Variants in CAMTA1 observed in about 807,000 individuals in gnomAD.
The protein encoded by CAMTA1 is calmodulin-binding transcription activator 1.
Under a neutral mutation model 170.9 loss-of-function variants are expected in CAMTA1, and 27 were observed. That is an observed-to-expected ratio of 0.16 (90% CI 0.12 to 0.22). The LOEUF (loss-of-function observed/expected upper bound fraction) is 0.22, where lower values mean the gene tolerates loss of function less well. CAMTA1 is among the 10% of genes least tolerant of loss of function. The pLI, the probability that CAMTA1 is intolerant of heterozygous loss-of-function variation, is 1.00. For synonymous variants in CAMTA1, 833 were observed against 891.5 expected (o/e 0.93, Z 1.17); for missense variants, 1,619 against 2,217.2 (o/e 0.73, Z 5.42).
chr1:7,075,255 T>A (rs1639141818), intron 3 of CAMTA1, among the ~76,000 whole-genome samples: 1 of 152,200 alleles, frequency 6.6e-6, no homozygotes, highest in African/African-American at 2.4e-5. Context: ...TTGCCAAAGC[T>A]ATGTCCTTAG....
chr1:7,672,548 G>A (rs2096069677), intron 10 of CAMTA1, among the ~76,000 whole-genome samples: 1 of 152,026 alleles, frequency 6.6e-6, no homozygotes, highest in African/African-American at 2.4e-5. Flanking sequence ...CAGCCTCCCT[G>A]GTACCTGGGA....
At chr1:7,296,719 A>G (rs553079258) in intron 5 of CAMTA1, among the ~76,000 whole-genome samples, 1 of 152,248 alleles carries the variant, frequency 6.6e-6, no homozygotes, top group South Asian at 2.1e-4. Flanking sequence ...TCAGATGTAG[A>G]TGTCAAGTGG....
intron 6 of CAMTA1, among the ~76,000 whole-genome samples, chr1:7,632,995 C>T (rs571298937): frequency 4.6e-5 from 7 of 152,332 alleles, no homozygotes; most frequent in South Asian, 4.1e-4. Context: ...GGGCCAGGCC[C>T]GTCCTGAGCC....
chr1:7,018,823 G>T (rs1415012156), intron 3 of CAMTA1, among the ~76,000 whole-genome samples: 1 of 152,184 alleles, frequency 6.6e-6, no homozygotes, highest in African/African-American at 2.4e-5. Flanking sequence ...AGCCATTAAA[G>T]CTTCTGGCCT....
Position 6,822,042 on chromosome 1 carries a change from C to T in CAMTA1, c.115+1792C>T, listed in dbSNP as rs994200627. Among the ~76,000 whole-genome samples, 23 of 152,062 alleles carry T rather than the reference C, an allele frequency of 1.5e-4. 1 individual carries two copies. The highest frequency in any genetic ancestry group is 2.9e-4 in the Non-Finnish European group (20 of 67,972). On this transcript the variant is annotated intron_variant, in intron 2 of 22. Coordinates refer to ENST00000303635, the MANE Select transcript of CAMTA1 (RefSeq NM_015215.4). ...GAAAATTATTTTGTAAAGTCTAATA[C>T]CATACACATATATTTTGTTAGATAA...
chr1:7,626,700 A>G (rs1355385564), intron 6 of CAMTA1, among the ~76,000 whole-genome samples: 1 of 150,844 alleles, frequency 6.6e-6, no homozygotes, highest in Non-Finnish European at 1.5e-5. Flanking sequence ...CCCTGTCCTC[A>G]CTCTCTACCT....
intron 3 of CAMTA1, chr1:7,008,725 A>T (rs562925281): frequency 1.3e-5 from 2 of 152,354 alleles, no homozygotes; most frequent in South Asian, 4.1e-4. Flanking sequence ...TAATAAATGC[A>T]AACTGTAAAA....
At chr1:7,357,522 C>T (rs1239591185) in intron 5 of CAMTA1, among the ~76,000 whole-genome samples, 3 of 152,172 alleles carry the variant, frequency 2.0e-5, no homozygotes, top group Non-Finnish European at 2.9e-5. Context: ...CGATTTCCAT[C>T]TCACAGGAAT....
intron 5 of CAMTA1, among the ~76,000 whole-genome samples, chr1:7,335,465 G>T (rs1405736801): frequency 2.6e-5 from 4 of 152,222 alleles, no homozygotes; most frequent in Non-Finnish European, 5.9e-5. Context: ...CAAAGCAGCT[G>T]AGTGATCTCG....
At chr1:7,720,578 A>G (rs1413878370) in intron 11 of CAMTA1, among the ~76,000 whole-genome samples, 2 of 152,052 alleles carry the variant, frequency 1.3e-5, no homozygotes, top group Non-Finnish European at 2.9e-5. Flanking sequence ...GACGGGGTTC[A>G]CCACATTGGC....
chr1:7,405,737 A>G (rs965979363), intron 5 of CAMTA1, among the ~76,000 whole-genome samples: 5 of 112,544 alleles, frequency 4.4e-5, no homozygotes, highest in Non-Finnish European at 8.6e-5. Flanking sequence ...TGATCTGTAA[A>G]TGGGTATAAC....
At chr1:7,290,137 T>C (rs1049383129) in intron 5 of CAMTA1, among the ~76,000 whole-genome samples, 4 of 152,188 alleles carry the variant, frequency 2.6e-5, no homozygotes, top group Non-Finnish European at 5.9e-5. Flanking sequence ...CTGGGAATTG[T>C]ACAATTGCCA....
At chr1:7,704,384 G>A (rs2096481381) in intron 11 of CAMTA1, among the ~76,000 whole-genome samples, 1 of 146,280 alleles carries the variant, frequency 6.8e-6, no homozygotes, top group Non-Finnish European at 1.5e-5. Flanking sequence ...GGCCTCGAGG[G>A]AACCGTCGCC....
chr1:7,142,833 C>A (rs148541400), intron 4 of CAMTA1, among the ~76,000 whole-genome samples: 1 of 152,356 alleles, frequency 6.6e-6, no homozygotes, highest in African/African-American at 2.4e-5. Flanking sequence ...ATAAATTACC[C>A]AGCCTTAGCT....
intron 5 of CAMTA1, among the ~76,000 whole-genome samples, chr1:7,377,331 C>T (rs1416870464): frequency 6.6e-6 from 1 of 152,062 alleles, no homozygotes; most frequent in African/African-American, 2.4e-5. Flanking sequence ...GTAGAGGGGA[C>T]CTCTGGCATG....
chr1:7,753,390 G>T (rs1298089400), intron 21 of CAMTA1, among the ~76,000 whole-genome samples: 3 of 152,198 alleles, frequency 2.0e-5, no homozygotes. Context: ...GTGTGGTTGG[G>T]TTGTTGCTCT....
At chr1:7,597,833 A>T (rs1381066528) in intron 6 of CAMTA1, among the ~76,000 whole-genome samples, 1 of 152,080 alleles carries the variant, frequency 6.6e-6, no homozygotes, top group Non-Finnish European at 1.5e-5. Context: ...AAATTTTTTT[A>T]AATTTTACTT....
At chr1:7,191,077 T>C (rs78965748) in intron 4 of CAMTA1, among the ~76,000 whole-genome samples, 1,901 of 152,352 alleles carry the variant, frequency 0.012, 47 homozygotes, top group African/African-American at 0.043. Context: ...CAAGGACCAT[T>C]AGGGTCTCGC....
rs1340792399 is a variant in CAMTA1 at position 7,664,318 on chromosome 1, T to G, written c.1771T>G (p.Ser591Ala). Residue 591 changes from serine to alanine, a missense_variant, in exon 9 of 23, where the codon TCC becomes GCC. Physicochemically the swap from Ser to Ala is moderately conservative, Grantham distance 99. Coordinates refer to ENST00000303635, the MANE Select transcript of CAMTA1 (RefSeq NM_015215.4). The part of the protein sequence containing the change: ...LEQMDFSAID[S>A]NKDYTSSFSQ... ...GCAGATGGACTTCAGCGCCATCGAC[T>G]CCAACAAGGACTACACGTCCAGCTT... The G allele has an allele frequency of 5.6e-6, 9 of 1,613,164 alleles. No homozygotes were observed. Among genetic ancestry groups the G allele is most frequent in the Non-Finnish European group, 7.6e-6 (9 of 1,180,010 alleles).
Sources: allele counts gnomAD v4.1 joint callset (sites outside exome capture counted in the v4.1 genomes callset), GRCh38; gene constraint gnomAD v4.1.1; transcripts MANE v1.5; gene names NCBI Gene and HGNC (gene_info 2026-07-23, HGNC 2026-07-21).